The following SLC35F1 variants were observed in gnomAD, a reference collection of about 807,000 sequenced individuals.
SLC35F1 encodes solute carrier family 35 member F1.
SLC35F1 carries 14 observed loss-of-function variants against 48.7 expected under a neutral mutation model. The ratio of observed to expected loss-of-function variants is 0.29; its 90% CI spans 0.19 to 0.45. The LOEUF is 0.45. Ranked by LOEUF, SLC35F1 falls within the 20% of genes least tolerant of loss-of-function variation. SLC35F1 has a pLI of 1.00. For missense variants in SLC35F1, 404 were observed against 500.0 expected (o/e 0.81, Z 1.83); for synonymous variants, 190 against 202.2 (o/e 0.94, Z 0.51).
chr6:118,251,354 A>ACTGTAAGGGTTCTT (rs1403047582), intron 3 of SLC35F1, among the ~76,000 whole-genome samples: 1 of 152,148 alleles, frequency 6.6e-6, no homozygotes, highest in Non-Finnish European at 1.5e-5. Context: ...AAGAACCCTT[A>ACTGTAAGGGTTCTT]ACATGAGCTC....
intron 2 of SLC35F1, among the ~76,000 whole-genome samples, chr6:118,178,151 C>T (rs758483661): frequency 2.0e-5 from 3 of 152,180 alleles, no homozygotes; most frequent in East Asian, 3.9e-4. Context: ...TTCCTGGGAT[C>T]GCTGCACTAG....
chr6:118,006,895 A>G (rs2114872805), intron 1 of SLC35F1, among the ~76,000 whole-genome samples: 1 of 152,280 alleles, frequency 6.6e-6, no homozygotes, highest in African/African-American at 2.4e-5. Context: ...CACATGCTAC[A>G]TGTGTGTAAA....
rs190111290 is a variant in SLC35F1 at position 118,075,095 on chromosome 6, G to C, written c.174-79350G>C. Among the ~76,000 whole-genome samples the C allele has an allele frequency of 2.0e-5, 3 of 152,302 alleles. No individual in the cohort carries two copies. In the East Asian group the frequency reaches 5.8e-4, roughly 29 times the overall value. ...ATGAAGAATGATGAAGCCATGTTCT[G>C]TTTTAGAACATGGTGTTTATTTAGT... On this transcript the variant is annotated intron_variant, in intron 1 of 7. Transcript: ENST00000360388.
intron 7 of SLC35F1, among the ~76,000 whole-genome samples, chr6:118,299,691 G>A (rs963487874): frequency 1.2e-4 from 18 of 152,154 alleles, no homozygotes; most frequent in African/African-American, 3.6e-4. Flanking sequence ...ATTTATGTTG[G>A]TGGAAAAGGC....
chr6:118,061,259 A>G (rs1338652598), intron 1 of SLC35F1, among the ~76,000 whole-genome samples: 1 of 152,236 alleles, frequency 6.6e-6, no homozygotes, highest in East Asian at 1.9e-4. Context: ...TGGCCTCTGC[A>G]TAGCAATTAG....
intron 2 of SLC35F1, among the ~76,000 whole-genome samples, chr6:118,200,402 A>T (rs1470411189): frequency 2.0e-5 from 3 of 152,132 alleles, no homozygotes; most frequent in Non-Finnish European, 4.4e-5. Flanking sequence ...GGAGTAAGGG[A>T]GGATTCTGGC....
At chr6:118,104,398 C>T (rs1053336396) in intron 1 of SLC35F1, among the ~76,000 whole-genome samples, 3 of 152,122 alleles carry the variant, frequency 2.0e-5, no homozygotes, top group African/African-American at 7.2e-5. Context: ...CCATGAAATG[C>T]AAATAATAAT....
At chr6:118,068,998 G>A (rs868500468) in intron 1 of SLC35F1, among the ~76,000 whole-genome samples, 4 of 152,102 alleles carry the variant, frequency 2.6e-5, no homozygotes, top group Middle Eastern at 3.2e-3. Flanking sequence ...AGTCATATAG[G>A]TACTGGAATG....
chr6:118,059,580 T>C (rs1402009617), intron 1 of SLC35F1, among the ~76,000 whole-genome samples: 1 of 152,158 alleles, frequency 6.6e-6, no homozygotes, highest in East Asian at 1.9e-4. Context: ...CCACTCTACA[T>C]GTCCATCGCA....
At chr6:118,263,589 ATATTT>A (rs1775738084) in intron 3 of SLC35F1, among the ~76,000 whole-genome samples, 1 of 152,166 alleles carries the variant, frequency 6.6e-6, no homozygotes, top group African/African-American at 2.4e-5. Context: ...TTTCATATGG[ATATTT>A]TATAATTTCT....
intron 1 of SLC35F1, among the ~76,000 whole-genome samples, chr6:117,983,640 A>G (rs1026206451): frequency 6.6e-6 from 1 of 152,216 alleles, no homozygotes; most frequent in Non-Finnish European, 1.5e-5. Flanking sequence ...ATGTTTTTAG[A>G]TAGGAAAAAA....
chr6:118,237,324 A>AACACACAC (rs67116512), intron 3 of SLC35F1, among the ~76,000 whole-genome samples: 3 of 149,612 alleles, frequency 2.0e-5, no homozygotes, highest in African/African-American at 2.5e-5. Flanking sequence ...ATTCTAAGAA[A>AACACACAC]ACACACACAC....
chr6:118,046,282 C>G (rs955619164), intron 1 of SLC35F1, among the ~76,000 whole-genome samples: 17 of 152,144 alleles, frequency 1.1e-4, no homozygotes, highest in Admixed American at 1.1e-3. Flanking sequence ...TGGCATAACA[C>G]CAGTGAAGCT....
At chr6:118,072,481 G>A (rs1402242725) in intron 1 of SLC35F1, among the ~76,000 whole-genome samples, 1 of 152,020 alleles carries the variant, frequency 6.6e-6, no homozygotes, top group Admixed American at 6.6e-5. Flanking sequence ...GGAGAATGGC[G>A]TGAACCTGGG....
At chr6:118,062,324 C>T (rs1772552895) in intron 1 of SLC35F1, among the ~76,000 whole-genome samples, 1 of 151,948 alleles carries the variant, frequency 6.6e-6, no homozygotes, top group South Asian at 2.1e-4. Context: ...TTTAAAATGC[C>T]TTGTATTTGC....
chr6:117,990,200 C>G (rs1315634874), intron 1 of SLC35F1, among the ~76,000 whole-genome samples: 1 of 152,124 alleles, frequency 6.6e-6, no homozygotes, highest in Non-Finnish European at 1.5e-5. Context: ...CAGTGTACTT[C>G]TGAATTTTAC....
chr6:118,298,733 C>A (rs1761621), intron 7 of SLC35F1, among the ~76,000 whole-genome samples: 20 of 152,290 alleles, frequency 1.3e-4, no homozygotes, highest in African/African-American at 4.8e-4. Flanking sequence ...GCTGGAATCT[C>A]CTAGACTCTC....
At chr6:118,051,128 G>T (rs1772384280) in intron 1 of SLC35F1, among the ~76,000 whole-genome samples, 1 of 152,124 alleles carries the variant, frequency 6.6e-6, no homozygotes, top group African/African-American at 2.4e-5. Flanking sequence ...AAGAATTTCT[G>T]CATTATAGAT....
intron 1 of SLC35F1, among the ~76,000 whole-genome samples, chr6:118,060,993 C>A (rs1490569891): frequency 6.6e-6 from 1 of 152,184 alleles, no homozygotes; most frequent in African/African-American, 2.4e-5. Context: ...TTTTCTTTTT[C>A]TCTCTAGTAA....
Sources: gnomAD v4.1 joint callset for allele counts (sites outside exome capture counted in the v4.1 genomes callset) on GRCh38, gnomAD v4.1.1 for gene constraint, MANE v1.5 for transcripts, NCBI Gene and HGNC (gene_info 2026-07-23, HGNC 2026-07-21) for gene names.